Variants in PTPRR observed in about 807,000 individuals in gnomAD.
The protein encoded by PTPRR is protein tyrosine phosphatase receptor type R, also known as receptor-type tyrosine-protein phosphatase R.
A neutral mutation model predicts 77.2 loss-of-function variants in PTPRR; 38 were observed. The observed-to-expected ratio is 0.49, with a 90% CI of 0.38 to 0.65. The LOEUF (loss-of-function observed/expected upper bound fraction) is 0.65, where lower values mean the gene tolerates loss of function less well. PTPRR is among the 30% of genes least tolerant of loss of function. PTPRR has a pLI of 0.00. For synonymous variants in PTPRR, 299 were observed against 283.1 expected (o/e 1.06, Z -0.57); for missense variants, 744 against 799.2 (o/e 0.93, Z 0.83).
chr12:70,811,650 A>T (rs1017858785), intron 2 of PTPRR, among the ~76,000 whole-genome samples: 11 of 152,186 alleles, frequency 7.2e-5, no homozygotes, highest in Admixed American at 2.0e-4. Context: ...GATATTTATG[A>T]TTGTTAACAA....
intron 2 of PTPRR, among the ~76,000 whole-genome samples, chr12:70,814,014 T>C (rs753519352): frequency 2.0e-5 from 3 of 152,134 alleles, no homozygotes; most frequent in Non-Finnish European, 2.9e-5. Context: ...ATCAAAGCCT[T>C]ATCATATACA....
intron 6 of PTPRR, among the ~76,000 whole-genome samples, chr12:70,740,868 G>T (rs919388686): frequency 6.6e-6 from 1 of 151,988 alleles, no homozygotes; most frequent in African/African-American, 2.4e-5. Flanking sequence ...TATTAAACAT[G>T]AGCCTATTTT....
chr12:70,656,105 C>G (rs998917946), intron 13 of PTPRR, among the ~76,000 whole-genome samples: 2 of 152,050 alleles, frequency 1.3e-5, no homozygotes, highest in East Asian at 3.9e-4. Context: ...ATAGTCCCAG[C>G]TACTTGGGGG....
rs145416840 is a variant in PTPRR at position 70,898,388 on chromosome 12, T to A, written c.59-5411A>T. ...AAAAGACACCTCATTTTATTTTAGT[T>A]GTTCTCTTATTTATATTGTTTTTCT... On this transcript the variant is annotated intron_variant, in intron 1 of 13. Coordinates refer to ENST00000283228, the MANE Select transcript of PTPRR (RefSeq NM_002849.4). 2.7e-4 allele frequency among the ~76,000 whole-genome samples: 41 copies of A among 150,860 alleles called. No individual in the cohort carries two copies. In the East Asian group the frequency reaches 7.8e-3, roughly 29 times the overall value.
At chr12:70,786,967 G>A (rs935126981) in intron 2 of PTPRR, among the ~76,000 whole-genome samples, 29 of 152,092 alleles carry the variant, frequency 1.9e-4, no homozygotes, top group African/African-American at 6.8e-4. Flanking sequence ...GTGTTTTTGT[G>A]GTTCTTTCAA....
At chr12:70,733,465 T>TAAAAAAA (rs1889748544) in intron 6 of PTPRR, among the ~76,000 whole-genome samples, 1 of 73,474 alleles carries the variant, frequency 1.4e-5, no homozygotes, top group South Asian at 3.8e-4. Context: ...AAAGAAAAAT[T>TAAAAAAA]ATGGCAAAAA....
At chr12:70,779,464 C>T (rs748285578) in intron 2 of PTPRR, among the ~76,000 whole-genome samples, 3 of 152,164 alleles carry the variant, frequency 2.0e-5, no homozygotes, top group Middle Eastern at 3.2e-3. Flanking sequence ...TTGTTCAGCT[C>T]GGTCTTAACA....
chr12:70,651,823 A>G (rs963933519), intron 13 of PTPRR, among the ~76,000 whole-genome samples: 5 of 152,118 alleles, frequency 3.3e-5, no homozygotes, highest in Non-Finnish European at 5.9e-5. Flanking sequence ...CCAGATTCCA[A>G]TAGGTCCATT....
At chr12:70,764,511 G>C (rs939077314) in intron 3 of PTPRR, among the ~76,000 whole-genome samples, 154 bp downstream of exon 3, 3 of 152,176 alleles carry the variant, frequency 2.0e-5, no homozygotes, top group African/African-American at 7.2e-5. Flanking sequence ...GGGTAGATGA[G>C]CAGATATAGC....
rs1187796685 is a variant in PTPRR at position 70,856,084 on chromosome 12, T to TA, written c.357+36594dup. Among the ~76,000 whole-genome samples the TA allele has an allele frequency of 6.5e-4, 99 of 151,650 alleles. 1 individual carries two copies. The highest frequency in any genetic ancestry group is 2.0e-3 in the African/African-American group (82 of 41,356). On this transcript the variant is annotated intron_variant, in intron 2 of 13. Coordinates refer to ENST00000283228, the MANE Select transcript of PTPRR (RefSeq NM_002849.4). ...CTTAGAAGATATACTAACTTTAAAT[T>TA]AAAAAAAAATCTTCAGGACTCAATT...
At chr12:70,686,843 C>T (rs1052445178) in intron 8 of PTPRR, among the ~76,000 whole-genome samples, 6 of 152,116 alleles carry the variant, frequency 3.9e-5, no homozygotes, top group Non-Finnish European at 8.8e-5. Context: ...CTCAACTAAG[C>T]CACTCCCCAA....
At chr12:70,903,423 T>C (rs1306848940) in intron 1 of PTPRR, among the ~76,000 whole-genome samples, 2 of 151,804 alleles carry the variant, frequency 1.3e-5, no homozygotes, top group African/African-American at 4.8e-5. Flanking sequence ...AACTGCTAAA[T>C]AAAATTTAAA....
rs183361984 is a variant in PTPRR, at chr12:70,697,095, C to T, written c.1279+1170G>A. On this transcript the variant is annotated intron_variant, in intron 8 of 13. Coordinates refer to ENST00000283228, the MANE Select transcript of PTPRR (RefSeq NM_002849.4). ...TTCATTTCTTTTAGGTAATATTTAC[C>T]TAGAAGTAGAGTGTCCAGGTCATAT... Among the ~76,000 whole-genome samples the T allele has an allele frequency of 3.4e-3, 521 of 152,030 alleles. 3 individuals are homozygous for T. Among genetic ancestry groups the T allele is most frequent in the African/African-American group, 0.011 (473 of 41,494 alleles).
chr12:70,813,668 GA>G lies in PTPRR; in HGVS notation c.358-48891del, dbSNP rs1891849314. ...ACAGGACAGTGATCCTTGAGAGGAG[GA>G]AATAGTGGGATGAGCGTCACCAGCA... On this transcript the variant is annotated intron_variant, in intron 2 of 13. Coordinates refer to ENST00000283228, the MANE Select transcript of PTPRR (RefSeq NM_002849.4). Among the ~76,000 whole-genome samples, 5 of 152,270 alleles carry G rather than the reference GA, an allele frequency of 3.3e-5. No individual in the cohort carries two copies. In the South Asian group the frequency reaches 1.0e-3, roughly 32 times the overall value.
intron 12 of PTPRR, among the ~76,000 whole-genome samples, chr12:70,658,655 T>C (rs1430810316): frequency 1.3e-5 from 2 of 151,432 alleles, no homozygotes; most frequent in Non-Finnish European, 2.9e-5. Flanking sequence ...AGTGGAACTA[T>C]GGGAAATAAA....
At chr12:70,672,781 C>A (rs983173816) in intron 10 of PTPRR, 26 of 1,560,400 alleles carry the variant, frequency 1.7e-5, no homozygotes, top group Non-Finnish European at 2.2e-5. Context: ...ATTCAGGAAA[C>A]CTTCTGTCTT....
At chr12:70,916,348 A>G (rs778959715) in intron 1 of PTPRR, among the ~76,000 whole-genome samples, 23 of 152,296 alleles carry the variant, frequency 1.5e-4, no homozygotes, top group Middle Eastern at 3.4e-3. Flanking sequence ...AAAAAAGAAG[A>G]AAGTAGTGAG....
chr12:70,733,270 T>C (rs142216700), intron 6 of PTPRR, among the ~76,000 whole-genome samples: 399 of 151,574 alleles, frequency 2.6e-3, no homozygotes, highest in Non-Finnish European at 4.4e-3. Flanking sequence ...AGAAAGTATA[T>C]CATATTTAAA....
chr12:70,788,200 A>C (rs939908325), intron 2 of PTPRR, among the ~76,000 whole-genome samples: 1 of 152,226 alleles, frequency 6.6e-6, no homozygotes, highest in Non-Finnish European at 1.5e-5. Context: ...GATAAAAAAC[A>C]ACAAAGCTGA....
Sources: allele counts gnomAD v4.1 joint callset (sites outside exome capture counted in the v4.1 genomes callset), GRCh38; gene constraint gnomAD v4.1.1; transcripts MANE v1.5; gene names NCBI Gene and HGNC (gene_info 2026-07-23, HGNC 2026-07-21).